The following CFAP47 variants were observed in gnomAD, a reference collection of about 807,000 sequenced individuals.
The protein encoded by CFAP47 is cilia- and flagella-associated protein 47.
A neutral mutation model predicts 148.1 loss-of-function variants in CFAP47; 29 were observed. That is an observed-to-expected ratio of 0.20 (90% CI 0.15 to 0.27). The LOEUF (loss-of-function observed/expected upper bound fraction) is 0.27. CFAP47 is among the 10% of genes least tolerant of loss of function. The pLI, the probability that CFAP47 is intolerant of heterozygous loss-of-function variation, is 1.00. For missense variants in CFAP47, 1,872 were observed against 1,697.5 expected, an observed-to-expected ratio of 1.10 and a Z score of -1.81; for synonymous variants, 664 against 577.3, an observed-to-expected ratio of 1.15 and a Z score of -2.15.
At chrX:36,067,028 T>G (rs1270989052) in intron 27 of CFAP47, among the ~76,000 whole-genome samples, 1 of 112,181 alleles carries the variant, frequency 8.9e-6, no homozygotes, top group Non-Finnish European at 1.9e-5. Context: ...TTCTCCATCT[T>G]CAAACTTTCT....
intron 1 of CFAP47, among the ~76,000 whole-genome samples, chrX:35,925,680 C>T (rs1463485320): frequency 1.8e-5 from 2 of 111,733 alleles, no homozygotes; most frequent in Non-Finnish European, 3.8e-5. Flanking sequence ...TTTTTGAGAC[C>T]GAGTCTTGCT....
intron 61 of CFAP47, among the ~76,000 whole-genome samples, chrX:36,363,306 A>G (rs1275322465): frequency 1.8e-5 from 2 of 111,438 alleles, no homozygotes; most frequent in Non-Finnish European, 3.8e-5. Context: ...ACAAACCTAG[A>G]TGGTATAGCC....
chrX:36,173,135 C>T (rs1400749674), intron 39 of CFAP47, among the ~76,000 whole-genome samples: 2 of 111,459 alleles, frequency 1.8e-5, no homozygotes, highest in Non-Finnish European at 3.8e-5. Context: ...TCTGTGGGAT[C>T]AGTGGTGATA....
chrX:36,182,485 A>G (rs1321940539), intron 40 of CFAP47, among the ~76,000 whole-genome samples: 2 of 112,129 alleles, frequency 1.8e-5, no homozygotes, highest in Admixed American at 9.5e-5. Context: ...AGGCATTTCT[A>G]TCTTTAAATA....
At chrX:36,190,814 GAGTT>G (rs1939857868) in intron 42 of CFAP47, among the ~76,000 whole-genome samples, 1 of 111,105 alleles carries the variant, frequency 9.0e-6, no homozygotes, top group Non-Finnish European at 1.9e-5. Context: ...AAGAGAGAGA[GAGTT>G]AGAGCCACCA....
chrX:36,085,670 A>T, intron 30 of CFAP47, 132 bp downstream of exon 30: 1 of 286,020 alleles, frequency 3.5e-6, no homozygotes, highest in African/African-American at 2.9e-5. Flanking sequence ...CACACACATA[A>T]ATATACACAC....
Position 36,073,179 on chromosome X carries a change from T to A in CFAP47, c.4506T>A (p.Ser1502Arg). Residue 1502 changes from serine to arginine, a missense_variant, in exon 29 of 64, where the codon AGT becomes AGA. By Grantham distance (110) the Ser-to-Arg change is moderately radical. Transcript: ENST00000378653. ...VLPENLHLDE[S>R]ETSEEDHGSL... ...CTGAAAATTTGCACTTGGATGAAAG[T>A]GAAACATCAGAGGAAGATCATGGGT... is the stretch of plus-strand genomic sequence containing the variant. The A allele has an allele frequency of 8.3e-7, 1 of 1,210,316 alleles. No homozygotes were observed. The highest frequency in any genetic ancestry group is 1.1e-6 in the Non-Finnish European group (1 of 894,477).
At chrX:36,371,952 G>A (rs1569329927) in intron 62 of CFAP47, among the ~76,000 whole-genome samples, 4 of 93,663 alleles carry the variant, frequency 4.3e-5, no homozygotes, top group African/African-American at 1.8e-4. Flanking sequence ...ATATGTGTGT[G>A]TATATATACA....
intron 57 of CFAP47, among the ~76,000 whole-genome samples, chrX:36,320,118 G>A (rs2046244656): frequency 9.0e-6 from 1 of 111,308 alleles, no homozygotes; most frequent in Non-Finnish European, 1.9e-5. Flanking sequence ...GAGCCACCAC[G>A]CCCAGCCAAT....
rs754037020 is a variant in CFAP47, at chrX:35,941,279, C to T, written c.402-4C>T. Reference sequence around the variant, plus strand: ...ATTATGTGGCCTTCTTTTCTCCTCCCTAGGTTGATTCCATCCTGTCAATTG... The same window carrying T: ...ATTATGTGGCCTTCTTTTCTCCTCCTTAGGTTGATTCCATCCTGTCAATTG... On this transcript the variant is annotated splice_region_variant and splice_polypyrimidine_tract_variant and intron_variant, in intron 2 of 63. Coordinates refer to ENST00000378653, the MANE Select transcript of CFAP47 (RefSeq NM_001304548.2). 7 of 1,083,576 alleles carry T rather than the reference C, an allele frequency of 6.5e-6. No individual in the cohort carries two copies. In the East Asian group the frequency reaches 1.9e-4, roughly 30 times the overall value. The allele number at this position is 1,083,576 out of a possible 1,213,427, so 89.3% of individuals were successfully genotyped here. A position where few individuals can be genotyped will look rare whatever the true frequency, so the allele number is the denominator to read the frequency against.
chrX:36,014,854 T>G lies in CFAP47; in HGVS notation c.3498T>G (p.Ser1166Arg), dbSNP rs1437559402. 8 of 293,532 alleles carry G rather than the reference T, an allele frequency of 2.7e-5. No homozygotes were observed. The allele number at this position is 293,532 out of a possible 1,213,427, so 24.2% of individuals were successfully genotyped here. ...AGCTCTACACTAAATATTTGTCCAG[T>G]TCTCCTTCGAATCCAAAAACAGTAC... ...SSKLYTKYLS[S>R]SPSNPKTVPL... The change falls in exon 22 of 64, where the codon AGT (serine) becomes AGG (arginine). Residue 1166 changes from serine (S) to arginine (R), a missense_variant. By Grantham distance (110) the Ser-to-Arg change is moderately radical. Transcript: ENST00000378653.
intron 33 of CFAP47, among the ~76,000 whole-genome samples, chrX:36,135,777 C>T: frequency 9.0e-6 from 1 of 111,363 alleles, no homozygotes; most frequent in Middle Eastern, 4.6e-3. Context: ...AGGTGTGTAC[C>T]ACAAAGAGTG....
intron 26 of CFAP47, 115 bp from the exon 27 acceptor site, chrX:36,065,528 G>T (rs1376195181): frequency 2.2e-6 from 1 of 457,773 alleles, no homozygotes; most frequent in African/African-American, 2.5e-5. Flanking sequence ...TAAGTAGAAA[G>T]AAAAAATGAA....
intron 59 of CFAP47, 136 bp downstream of exon 59, chrX:36,350,268 A>G: frequency 7.6e-6 from 3 of 392,458 alleles, no homozygotes; most frequent in Non-Finnish European, 1.4e-5. Context: ...ATTCTATGAC[A>G]TAAACATGCT....
chrX:36,324,937 A>G (rs1290348400), intron 57 of CFAP47, among the ~76,000 whole-genome samples: 1 of 111,558 alleles, frequency 9.0e-6, no homozygotes, highest in African/African-American at 3.2e-5. Flanking sequence ...CTAGAAAATA[A>G]CTTTTTATGG....
At chrX:36,350,274 A>G in intron 59 of CFAP47, 142 bp downstream of exon 59, 1 of 386,992 alleles carries the variant, frequency 2.6e-6, no homozygotes, top group Non-Finnish European at 4.6e-6. Flanking sequence ...TGACATAAAC[A>G]TGCTCTCCCA....
intron 11 of CFAP47, 103 bp downstream of exon 11, chrX:35,971,026 C>A: frequency 1.6e-6 from 1 of 606,851 alleles, no homozygotes; most frequent in Non-Finnish European, 2.5e-6. Flanking sequence ...ATGTTGTAAA[C>A]TACATTTCAA....
chrX:35,921,971 A>G (rs910499955), intron 1 of CFAP47, among the ~76,000 whole-genome samples: 2 of 111,744 alleles, frequency 1.8e-5, no homozygotes, highest in Non-Finnish European at 3.8e-5. Context: ...TGGTAGAAAA[A>G]TAAGAAGACA....
intron 56 of CFAP47, 40 bp from the exon 57 acceptor site, chrX:36,319,169 T>C: frequency 2.8e-6 from 2 of 711,530 alleles, no homozygotes; most frequent in Non-Finnish European, 2.1e-6. Context: ...TCTTCTTGAA[T>C]GTGACATTGA....
Sources: allele counts gnomAD v4.1 joint callset (sites outside exome capture counted in the v4.1 genomes callset), GRCh38; gene constraint gnomAD v4.1.1; transcripts MANE v1.5; gene names NCBI Gene and HGNC (gene_info 2026-07-23, HGNC 2026-07-21).